The following RPS6KC1 variants were observed in gnomAD, a reference collection of about 807,000 sequenced individuals.
RPS6KC1 encodes the protein ribosomal protein S6 kinase C1, also known as inactive ribosomal protein S6 kinase delta-1.
RPS6KC1 carries 54 observed loss-of-function variants against 103.8 expected under a neutral mutation model. The ratio of observed to expected loss-of-function variants is 0.52; its 90% confidence interval spans 0.42 to 0.65. The LOEUF is 0.65. Ranked by LOEUF, RPS6KC1 falls within the 30% of genes least tolerant of loss-of-function variation. RPS6KC1 has a pLI of 0.00. For synonymous variants in RPS6KC1, 439 were observed against 438.7 expected (o/e 1.00, Z -0.01); for missense variants, 1,151 against 1,253.8 (o/e 0.92, Z 1.24).
chr1:213,685,235 T>C, the RPS6KC1 span, among the ~76,000 whole-genome samples: 2 of 152,176 alleles, frequency 1.3e-5, no homozygotes, highest in Non-Finnish European at 2.9e-5. Flanking sequence ...AGCACAGACT[T>C]TGAAATCAGA....
chr1:213,611,763 C>T, the RPS6KC1 span, among the ~76,000 whole-genome samples: 49 of 152,322 alleles, frequency 3.2e-4, no homozygotes, highest in Middle Eastern at 6.8e-3. Context: ...GGATGATTCT[C>T]AGAATACACT....
chr1:213,535,384 GCTTTCATT>G, the RPS6KC1 span, among the ~76,000 whole-genome samples: 1 of 152,182 alleles, frequency 6.6e-6, no homozygotes, highest in Non-Finnish European at 1.5e-5. Context: ...GAGTAATACA[GCTTTCATT>G]CTTGGAAAGG....
chr1:213,549,149 T>C, the RPS6KC1 span, among the ~76,000 whole-genome samples: 1 of 152,268 alleles, frequency 6.6e-6, no homozygotes. Flanking sequence ...ATTATCCCTC[T>C]TTACTTAATT....
chr1:213,114,157 G>T (rs549464803), intron 4 of RPS6KC1, among the ~76,000 whole-genome samples: 1 of 152,160 alleles, frequency 6.6e-6, no homozygotes, highest in Non-Finnish European at 1.5e-5. Context: ...GGGCAGTATG[G>T]CCATTTTCAC....
At chr1:213,104,136 T>G (rs2082257787) in intron 3 of RPS6KC1, among the ~76,000 whole-genome samples, 1 of 152,236 alleles carries the variant, frequency 6.6e-6, no homozygotes, top group Non-Finnish European at 1.5e-5. Flanking sequence ...TTCTTTAAAA[T>G]TCTCTTTTCA....
At chr1:213,550,535 ACC>A in the RPS6KC1 span, among the ~76,000 whole-genome samples, 1 of 152,200 alleles carries the variant, frequency 6.6e-6, no homozygotes, top group African/African-American at 2.4e-5. Flanking sequence ...GGCTCTCCAC[ACC>A]CAAGGCTTAT....
the RPS6KC1 span, among the ~76,000 whole-genome samples, chr1:213,766,901 G>C: frequency 4.8e-3 from 728 of 152,058 alleles, 15 homozygotes; most frequent in Middle Eastern, 0.017. Context: ...TTCAAAAATG[G>C]CCTCCCCTCG....
At chr1:213,126,154 T>G (rs1439554936) in intron 5 of RPS6KC1, among the ~76,000 whole-genome samples, 1 of 152,128 alleles carries the variant, frequency 6.6e-6, no homozygotes, top group African/African-American at 2.4e-5. Flanking sequence ...TTGGCATCAT[T>G]TAAGGAAATA....
the RPS6KC1 span, among the ~76,000 whole-genome samples, chr1:213,825,711 A>G: frequency 2.6e-5 from 4 of 152,202 alleles, no homozygotes; most frequent in African/African-American, 7.2e-5. Context: ...CTTTGTGGGT[A>G]TCAGTCTCCT....
the RPS6KC1 span, among the ~76,000 whole-genome samples, chr1:213,309,623 G>C: frequency 0.035 from 5,375 of 152,304 alleles, 123 homozygotes; most frequent in Middle Eastern, 0.058. Flanking sequence ...TGCACTGCCT[G>C]CTTTGCCAAT....
intron 4 of RPS6KC1, among the ~76,000 whole-genome samples, chr1:213,111,433 A>G (rs77257123): frequency 0.03 from 4,584 of 152,274 alleles, 223 homozygotes; most frequent in African/African-American, 0.1. Context: ...TTACTGCTAC[A>G]TCCCTCTAGT....
chr1:213,769,492 GGA>G, the RPS6KC1 span, among the ~76,000 whole-genome samples: 53 of 135,176 alleles, frequency 3.9e-4, no homozygotes, highest in African/African-American at 8.7e-4. Context: ...AACTCCACCT[GGA>G]GAGAGAGAGA....
At chr1:213,340,269 C>T in the RPS6KC1 span, among the ~76,000 whole-genome samples, 1 of 152,206 alleles carries the variant, frequency 6.6e-6, no homozygotes, top group Admixed American at 6.5e-5. Flanking sequence ...CATAATGAGG[C>T]TTAGCAAGTC....
At chr1:213,322,576 T>C in the RPS6KC1 span, among the ~76,000 whole-genome samples, 1 of 152,156 alleles carries the variant, frequency 6.6e-6, no homozygotes, top group Non-Finnish European at 1.5e-5. Context: ...CACCCACTTA[T>C]TATTTTATAG....
rs1270489534 is a variant in RPS6KC1 at position 213,051,505 on chromosome 1, C to T, written c.101C>T (p.Ala34Val). 3 of 1,608,030 alleles carry T rather than the reference C, an allele frequency of 1.9e-6. No individual in the cohort carries two copies. The highest frequency in any genetic ancestry group is 2.6e-6 in the Non-Finnish European group (3 of 1,176,098). ...PRGYTVYKVT[A>V]RVVSRRNPED... Reference sequence around the variant, plus strand: ...GGCTACACAGTATATAAGGTCACCGCCCGGGTGAGTGCCGGTGTCGGGCTG... The same window carrying T: ...GGCTACACAGTATATAAGGTCACCGTCCGGGTGAGTGCCGGTGTCGGGCTG... Residue 34 changes from alanine to valine, a missense_variant, in exon 1 of 15, where the codon GCC becomes GTC. This residue lies in a region of RPS6KC1 where 959 missense variants were observed against 1,006.3 expected (regional missense o/e 0.95). Transcript: ENST00000366960.
the RPS6KC1 span, among the ~76,000 whole-genome samples, chr1:213,629,816 A>C: frequency 1.3e-5 from 2 of 152,082 alleles, no homozygotes; most frequent in Non-Finnish European, 2.9e-5. Flanking sequence ...TTGTCTGTAA[A>C]GGATTTTATT....
the RPS6KC1 span, among the ~76,000 whole-genome samples, chr1:213,732,158 G>A: frequency 4.6e-5 from 7 of 152,002 alleles, no homozygotes; most frequent in Non-Finnish European, 1.0e-4. Context: ...CCACTCTTTA[G>A]AATTGTCCAG....
At chr1:213,251,290 G>A (rs1002135287) in intron 12 of RPS6KC1, among the ~76,000 whole-genome samples, 3 of 152,010 alleles carry the variant, frequency 2.0e-5, no homozygotes, top group Non-Finnish European at 2.9e-5. Flanking sequence ...TGTGTTTTTA[G>A]TAGAGACGGA....
the RPS6KC1 span, among the ~76,000 whole-genome samples, chr1:213,466,013 G>T: frequency 6.6e-6 from 1 of 152,148 alleles, no homozygotes; most frequent in East Asian, 1.9e-4. Flanking sequence ...TCAGGCTTTG[G>T]GGGGCAGAAT....
Sources: gnomAD v4.1 joint callset for allele counts (sites outside exome capture counted in the v4.1 genomes callset) on GRCh38, gnomAD v4.1.1 for gene constraint, gnomAD v4.1.1 regional missense constraint, MANE v1.5 for transcripts, NCBI Gene and HGNC (gene_info 2026-07-23, HGNC 2026-07-21) for gene names.